Variants in SYN3 observed in about 807,000 individuals in gnomAD.
SYN3 encodes the protein synapsin III.
A neutral mutation model predicts 65.8 loss-of-function variants in SYN3; 35 were observed. The ratio of observed to expected loss-of-function variants is 0.53; its 90% confidence interval spans 0.41 to 0.70. The LOEUF (loss-of-function observed/expected upper bound fraction) is 0.70. SYN3 is among the 30% of genes least tolerant of loss of function. The pLI is 0.00. For synonymous variants in SYN3, 270 were observed against 292.9 expected (o/e 0.92, Z 0.80); for missense variants, 680 against 749.0 (o/e 0.91, Z 1.08).
intron 3 of SYN3, among the ~76,000 whole-genome samples, chr22:32,961,197 T>C (rs2051639967): frequency 6.6e-6 from 1 of 152,166 alleles, no homozygotes; most frequent in Non-Finnish European, 1.5e-5. Context: ...CAACCAAAAA[T>C]GTCTCCAGGC....
Position 32,520,527 on chromosome 22 carries a change from G to A in SYN3, c.1319-2193C>T, listed in dbSNP as rs150086283. ...GGGGACACGCCGAGATTCAAACCTA[G>A]ATCTCTTTGACTCAAAAACCCTGTT... On this transcript the variant is annotated intron_variant, in intron 12 of 13. Coordinates refer to ENST00000358763, the MANE Select transcript of SYN3 (RefSeq NM_003490.4). Among the ~76,000 whole-genome samples the A allele has an allele frequency of 5.0e-3, 760 of 152,254 alleles. 8 individuals are homozygous for A. The highest frequency in any genetic ancestry group is 0.017 in the African/African-American group (726 of 41,536).
intron 3 of SYN3, among the ~76,000 whole-genome samples, chr22:32,959,477 G>A (rs1023719115): frequency 6.6e-5 from 10 of 152,020 alleles, no homozygotes; most frequent in African/African-American, 1.7e-4. Flanking sequence ...CTTGAACCCA[G>A]GAGGCAGAGG....
At chr22:32,566,983 G>T (rs184106717) in intron 7 of SYN3, among the ~76,000 whole-genome samples, 1 of 152,204 alleles carries the variant, frequency 6.6e-6, no homozygotes, top group East Asian at 1.9e-4. Flanking sequence ...AGGTGTGGGG[G>T]CAGGCAGAGG....
At chr22:32,710,789 C>T in intron 6 of SYN3, among the ~76,000 whole-genome samples, 1 of 152,070 alleles carries the variant, frequency 6.6e-6, no homozygotes, top group African/African-American at 2.4e-5. Flanking sequence ...CAAGCAGATG[C>T]CAGCATCATG....
In SYN3 at chr22:32,513,650, C is replaced by T. The variant is rs139203153; in HGVS notation, c.*42G>A. On this transcript the variant is annotated 3_prime_UTR_variant, in exon 14 of 14. Coordinates refer to ENST00000358763, the MANE Select transcript of SYN3 (RefSeq NM_003490.4). ...GAAGGAAGATGAGGCAGGAGGGGGA[C>T]GAGTGTAGCAGAGCACTCTTCCCCT... is the stretch of plus-strand genomic sequence containing the variant. 1.1e-5 allele frequency: 17 copies of T among 1,602,030 alleles called. No homozygotes were observed. The highest frequency in any genetic ancestry group is 5.0e-5 in the Admixed American group (3 of 59,648).
chr22:32,826,839 TG>T (rs2047428814), intron 6 of SYN3, among the ~76,000 whole-genome samples: 1 of 152,188 alleles, frequency 6.6e-6, no homozygotes, highest in African/African-American at 2.4e-5. Context: ...GCAGGGTTTT[TG>T]CATTCTGCTC....
intron 7 of SYN3, among the ~76,000 whole-genome samples, chr22:32,551,540 CAG>C (rs920133418): frequency 1.0e-4 from 14 of 138,070 alleles, no homozygotes; most frequent in African/African-American, 3.8e-4. Flanking sequence ...AAAAAAAAAA[CAG>C]AGGAGACTGA....
At chr22:32,643,012 A>G (rs1253544494) in intron 6 of SYN3, among the ~76,000 whole-genome samples, 1 of 152,226 alleles carries the variant, frequency 6.6e-6, no homozygotes, top group Non-Finnish European at 1.5e-5. Flanking sequence ...CACAATTTAC[A>G]CTTAAAAAGA....
chr22:32,597,193 TA>T (rs1199361506), intron 6 of SYN3, among the ~76,000 whole-genome samples: 1 of 147,302 alleles, frequency 6.8e-6, no homozygotes, highest in African/African-American at 2.5e-5. Context: ...ACTCCTGTCT[TA>T]CATTATTCTC....
intron 6 of SYN3, among the ~76,000 whole-genome samples, chr22:32,741,797 G>T (rs1205652806): frequency 2.6e-5 from 4 of 152,122 alleles, no homozygotes; most frequent in Non-Finnish European, 5.9e-5. Context: ...TTCTCATAGG[G>T]TCTCTTTAAC....
intron 6 of SYN3, among the ~76,000 whole-genome samples, chr22:32,606,966 G>A (rs1400619163): frequency 6.6e-6 from 1 of 151,616 alleles, no homozygotes; most frequent in Non-Finnish European, 1.5e-5. Flanking sequence ...CCATTAACTC[G>A]TCATTTAACA....
intron 6 of SYN3, among the ~76,000 whole-genome samples, chr22:32,785,508 A>C (rs2046171058): frequency 6.6e-6 from 1 of 152,136 alleles, no homozygotes; most frequent in African/African-American, 2.4e-5. Context: ...CAAGTGGGAG[A>C]GAAGCACTTG....
chr22:32,779,940 G>A (rs1042478221), intron 6 of SYN3, among the ~76,000 whole-genome samples: 1 of 151,982 alleles, frequency 6.6e-6, no homozygotes, highest in Non-Finnish European at 1.5e-5. Flanking sequence ...TGGTGAGGCG[G>A]TGCAAACCTC....
chr22:32,688,077 T>A (rs2060615291), intron 6 of SYN3, among the ~76,000 whole-genome samples: 1 of 152,174 alleles, frequency 6.6e-6, no homozygotes, highest in Non-Finnish European at 1.5e-5. Context: ...ATATCCCCAG[T>A]GGATGTCAGA....
In SYN3 at chr22:32,672,075, T is replaced by C. The variant is rs985772683; in HGVS notation, c.712-75339A>G. Among the ~76,000 whole-genome samples, 20 of 152,306 alleles carry C rather than the reference T, an allele frequency of 1.3e-4. No individual in the cohort carries two copies. The South Asian group carries it at 3.3e-3, about 25-fold the overall frequency. On this transcript the variant is annotated intron_variant, in intron 6 of 13. Coordinates refer to ENST00000358763, the MANE Select transcript of SYN3 (RefSeq NM_003490.4). ...ATAATGAAGAGAGTCTAAACAACTA[T>C]GAGAGACTTTCTACCCTCCTTTGCT...
At chr22:32,947,610 T>G (rs1291003004) in intron 3 of SYN3, 1 of 152,152 alleles carries the variant, frequency 6.6e-6, no homozygotes, top group African/African-American at 2.4e-5. Flanking sequence ...AATGGAATGG[T>G]GAGGTGTCGT....
chr22:32,827,069 C>T (rs1337109026), intron 6 of SYN3, among the ~76,000 whole-genome samples: 1 of 152,300 alleles, frequency 6.6e-6, no homozygotes, highest in East Asian at 1.9e-4. Context: ...GATCATTGAC[C>T]TCGCAGGGGC....
chr22:32,690,760 A>C (rs2060651306), intron 6 of SYN3, among the ~76,000 whole-genome samples: 1 of 152,190 alleles, frequency 6.6e-6, no homozygotes, highest in African/African-American at 2.4e-5. Context: ...GAAGAAGCTA[A>C]AGATGATCAA....
At chr22:32,898,118 C>G (rs2049649222) in intron 4 of SYN3, among the ~76,000 whole-genome samples, 1 of 152,192 alleles carries the variant, frequency 6.6e-6, no homozygotes. Context: ...GCCTCAGCTT[C>G]CAGAGTAGCT....
Sources: allele counts gnomAD v4.1 joint callset (sites outside exome capture counted in the v4.1 genomes callset), GRCh38; gene constraint gnomAD v4.1.1; transcripts MANE v1.5; gene names NCBI Gene and HGNC (gene_info 2026-07-23, HGNC 2026-07-21).